Variants in MPP3 observed in about 807,000 individuals in gnomAD.
MPP3 encodes MAGUK p55 subfamily member 3.
MPP3 carries 48 observed loss-of-function variants against 80.7 expected under a neutral mutation model. The ratio of observed to expected loss-of-function variants is 0.59; its 90% CI spans 0.47 to 0.76. The LOEUF (loss-of-function observed/expected upper bound fraction) is 0.76. MPP3 is among the 30% of genes least tolerant of loss of function. The pLI is 0.00. For synonymous variants in MPP3, 311 were observed against 297.6 expected, an observed-to-expected ratio of 1.04 and a Z score of -0.46; for missense variants, 620 against 763.0, an observed-to-expected ratio of 0.81 and a Z score of 2.21.
intron 2 of MPP3, 93 bp from the exon 3 acceptor site, chr17:43,832,036 G>C (rs2045991488): frequency 2.5e-6 from 2 of 808,722 alleles, no homozygotes; most frequent in South Asian, 1.5e-5. Context: ...TCTGAGACCA[G>C]GCTGTGGACA....
rs1003513507 is a variant in MPP3, at chr17:43,801,241, C to T, written c.*460G>A. 2 of 153,854 alleles carry T rather than the reference C, an allele frequency of 1.3e-5. No individual in the cohort carries two copies. The highest frequency in any genetic ancestry group is 4.8e-5 in the African/African-American group (2 of 41,570). The allele number at this position is 153,854 out of a possible 1,614,324, so 9.5% of individuals were successfully genotyped here. ...ACTTCAAAAAAAAGGTTAAGATCAA[C>T]GTTTTAGTGCTTGAAGACAGGGGAA... is the stretch of plus-strand genomic sequence containing the variant. On this transcript the variant is annotated 3_prime_UTR_variant, in exon 20 of 20. Transcript: ENST00000398389.
chr17:43,832,720 C>A (rs1204723496), intron 2 of MPP3, 41 bp downstream of exon 2: 1 of 152,628 alleles, frequency 6.6e-6, no homozygotes, highest in Admixed American at 6.5e-5. Context: ...GGCCCTCCAG[C>A]CTCCGCCCCG....
chr17:43,814,889 C>T (rs573996831), intron 14 of MPP3, among the ~76,000 whole-genome samples: 1 of 152,212 alleles, frequency 6.6e-6, no homozygotes, highest in African/African-American at 2.4e-5. Flanking sequence ...AACTAAGTCT[C>T]ATATGACTCA....
At chr17:43,820,603 A>ACACACACACACACACACAC (rs1264169757) in intron 11 of MPP3, among the ~76,000 whole-genome samples, 1 of 127,554 alleles carries the variant, frequency 7.8e-6, no homozygotes, top group Non-Finnish European at 1.6e-5. Flanking sequence ...AAAAAAAAAA[A>ACACACACACACACACACAC]ATACACACAC....
intron 19 of MPP3, among the ~76,000 whole-genome samples, chr17:43,806,290 C>T (rs980615863): frequency 1.1e-4 from 17 of 152,220 alleles, no homozygotes; most frequent in Middle Eastern, 3.4e-3. Flanking sequence ...CTCAGCCTCC[C>T]GAGTAGCTGG....
In MPP3 at chr17:43,811,272, G is replaced by A. The variant is rs143941854; in HGVS notation, c.1256-67C>T. The A allele has an allele frequency of 1.3e-4, 166 of 1,255,018 alleles. 1 individual carries two copies. In the East Asian group the frequency reaches 2.8e-3, roughly 21 times the overall value. 77.7% of individuals were successfully genotyped at this position (1,255,018 alleles called of 1,614,324 possible). A position where few individuals can be genotyped will look rare whatever the true frequency, so the allele number is the denominator to read the frequency against. On this transcript the variant is annotated intron_variant, in intron 16 of 19. Coordinates refer to ENST00000398389, the MANE Select transcript of MPP3 (RefSeq NM_001932.6). ...TCACAGCACGCAGGGACAGCAGCAG[G>A]CTTAGGCACTCATTTGGGAGTTCAC...
rs1276649403 is a variant in MPP3 at position 43,831,870 on chromosome 17, GGAGGTACTTACC to G, written c.25_25+11del. 2 of 1,603,232 alleles carry G rather than the reference GGAGGTACTTACC, an allele frequency of 1.2e-6. No homozygotes were observed. Among genetic ancestry groups the G allele is most frequent in the Admixed American group, 3.5e-5 (2 of 57,368 alleles). On this transcript the variant is annotated splice_donor_variant and splice_donor_5th_base_variant and coding_sequence_variant and intron_variant, in exon 3 of 20. Transcript: ENST00000398389. LOFTEE classifies it high-confidence loss of function. ...AGGACTGTGGCAGGTCCAGCCGGGG[GGAGGTACTTACC>G]AGAGTCCTCCGATAGCACTGGCATG...
intron 18 of MPP3, 66 bp from the exon 19 acceptor site, chr17:43,809,144 A>C: frequency 6.7e-7 from 1 of 1,492,258 alleles, no homozygotes; most frequent in Non-Finnish European, 9.0e-7. Context: ...AGACTTTTGA[A>C]AGCTCAATAA....
intron 19 of MPP3, among the ~76,000 whole-genome samples, chr17:43,804,974 C>T (rs1302686833): frequency 6.6e-6 from 1 of 152,082 alleles, no homozygotes; most frequent in African/African-American, 2.4e-5. Flanking sequence ...GCCAACACCG[C>T]ACCATTGCGC....
chr17:43,805,627 T>C (rs973547055), intron 19 of MPP3, among the ~76,000 whole-genome samples: 1 of 152,146 alleles, frequency 6.6e-6, no homozygotes, highest in Non-Finnish European at 1.5e-5. Flanking sequence ...AAAAAAAGAA[T>C]GAAGTATTGA....
intron 12 of MPP3, 138 bp from the exon 13 acceptor site, chr17:43,816,835 T>C (rs1430553120): frequency 3.9e-6 from 3 of 772,138 alleles, no homozygotes; most frequent in Non-Finnish European, 6.8e-6. Flanking sequence ...GAACCTGTGA[T>C]CTGAGCTGTG....
intron 7 of MPP3, among the ~76,000 whole-genome samples, chr17:43,829,188 G>A (rs1034804817): frequency 2.6e-5 from 4 of 152,156 alleles, no homozygotes; most frequent in Non-Finnish European, 4.4e-5. Flanking sequence ...ATTGTCACAC[G>A]TTTTCTATAA....
intron 18 of MPP3, among the ~76,000 whole-genome samples, chr17:43,809,917 A>AT (rs2044774996): frequency 6.6e-6 from 1 of 152,150 alleles, no homozygotes; most frequent in Admixed American, 6.6e-5. Flanking sequence ...TGATTAATGC[A>AT]TTTTATCTAG....
intron 16 of MPP3, among the ~76,000 whole-genome samples, chr17:43,812,877 G>A (rs1476936316): frequency 6.6e-6 from 1 of 152,186 alleles, no homozygotes; most frequent in Non-Finnish European, 1.5e-5. Flanking sequence ...CTGCCAGGAT[G>A]GCCTCCCCAG....
In MPP3 at chr17:43,831,192, C is replaced by T. The variant is rs554808543; in HGVS notation, c.222+52G>A. The T allele has an allele frequency of 1.6e-4, 255 of 1,556,324 alleles. No homozygotes were observed. In the Admixed American group the frequency reaches 2.0e-3, roughly 12 times the overall value. On this transcript the variant is annotated intron_variant, in intron 5 of 19. Coordinates refer to ENST00000398389, the MANE Select transcript of MPP3 (RefSeq NM_001932.6). ...AGCAAGCGAGGCAAGATGAAGGAGC[C>T]CTACAGGGTGGGGAGTGGGGCAGAC... is the stretch of plus-strand genomic sequence containing the variant.
chr17:43,832,174 G>A (rs2045996851), intron 2 of MPP3: 2 of 531,898 alleles, frequency 3.8e-6, no homozygotes, highest in South Asian at 2.7e-5. Flanking sequence ...CTTTTTGTCT[G>A]CACAAAGTCC....
At chr17:43,801,946 T>C in intron 19 of MPP3, 69 bp from the exon 20 acceptor site, 1 of 1,501,498 alleles carries the variant, frequency 6.7e-7, no homozygotes. Context: ...AACCTTTGTC[T>C]TGAGCAATGT....
At chr17:43,817,280 A>T (rs1489092042) in intron 12 of MPP3, among the ~76,000 whole-genome samples, 2 of 152,016 alleles carry the variant, frequency 1.3e-5, no homozygotes, top group African/African-American at 4.8e-5. Flanking sequence ...AGAAAATGTG[A>T]CCCCAACTCT....
In MPP3 at chr17:43,816,061, C is replaced by T; in HGVS notation, c.986G>A (p.Gly329Asp). The change falls in exon 14 of 20, where the codon GGC becomes GAC. Residue 329 changes from glycine to aspartate, a missense_variant. Coordinates refer to ENST00000398389, the MANE Select transcript of MPP3 (RefSeq NM_001932.6). The stretch of plus-strand genomic sequence containing the variant: ...ACCCACATAGTGCCCTTTGAGGTAG[C>T]CCTCACAGTCACAGGTCTCTGGGAA... ...PCDKETCDCE[G>D]YLKGHYVAGL... is the part of the protein sequence containing the mutation. 1 of 1,508,290 alleles carries T rather than the reference C, an allele frequency of 6.6e-7. No homozygotes were observed. Among genetic ancestry groups the T allele is most frequent in the Non-Finnish European group, 8.8e-7 (1 of 1,133,770 alleles). The allele number at this position is 1,508,290 out of a possible 1,614,324, so 93.4% of individuals were successfully genotyped here. A position where few individuals can be genotyped will look rare whatever the true frequency, so the allele number is the denominator to read the frequency against.
Sources: allele counts gnomAD v4.1 joint callset (sites outside exome capture counted in the v4.1 genomes callset), GRCh38; gene constraint gnomAD v4.1.1; transcripts MANE v1.5; gene names NCBI Gene and HGNC (gene_info 2026-07-23, HGNC 2026-07-21).